The following ADAMTS5 variants were observed in gnomAD, a reference collection of about 807,000 sequenced individuals.
ADAMTS5 encodes the protein A disintegrin and metalloproteinase with thrombospondin motifs 5.
A neutral mutation model predicts 81.4 loss-of-function variants in ADAMTS5; 54 were observed. The observed-to-expected ratio is 0.66, with a 90% CI of 0.53 to 0.83. The LOEUF (loss-of-function observed/expected upper bound fraction) is 0.83. Ranked by LOEUF, ADAMTS5 falls within the 40% of genes least tolerant of loss-of-function variation. The pLI, the probability that ADAMTS5 is intolerant of heterozygous loss-of-function variation, is 0.00. For synonymous variants in ADAMTS5, 532 were observed against 508.8 expected, an observed-to-expected ratio of 1.05 and a Z score of -0.61; for missense variants, 1,194 against 1,229.9, an observed-to-expected ratio of 0.97 and a Z score of 0.44.
chr21:26,924,028 T>C lies in ADAMTS5; in HGVS notation c.*25A>G. ...TCAGTGCTGAATCCTCCAGTTATCT[T>C]TGTGCATAAGATCATAACCACAGGC... On this transcript the variant is annotated 3_prime_UTR_variant, in exon 8 of 8. Transcript: ENST00000284987. 1 of 1,561,842 alleles carries C rather than the reference T, an allele frequency of 6.4e-7. No individual in the cohort carries two copies. The highest frequency in any genetic ancestry group is 8.7e-7 in the Non-Finnish European group (1 of 1,148,972).
intron 1 of ADAMTS5, among the ~76,000 whole-genome samples, chr21:26,956,962 G>C (rs903786005): frequency 5.9e-5 from 9 of 152,166 alleles, no homozygotes; most frequent in Non-Finnish European, 8.8e-5. Flanking sequence ...AGAAGCACTT[G>C]TTATTTTTTT....
chr21:26,954,249 G>GC (rs142555831), intron 2 of ADAMTS5, among the ~76,000 whole-genome samples: 5,016 of 152,090 alleles, frequency 0.033, 171 homozygotes, highest in East Asian at 0.076. Flanking sequence ...TCCTTTCCTT[G>GC]CTATTAAGAA....
intron 2 of ADAMTS5, among the ~76,000 whole-genome samples, chr21:26,944,103 A>G (rs1987169149): frequency 6.6e-6 from 1 of 152,360 alleles, no homozygotes; most frequent in Admixed American, 6.5e-5. Flanking sequence ...AGACAAAGAA[A>G]GAGAAGTGAA....
chr21:26,954,604 G>C (rs1259376819), intron 2 of ADAMTS5, 135 bp downstream of exon 2: 24 of 1,342,468 alleles, frequency 1.8e-5, no homozygotes, highest in Non-Finnish European at 3.0e-6. Flanking sequence ...TAAAAGTGCA[G>C]ATATAAACAA....
Position 26,966,498 on chromosome 21 carries a change from G to T in ADAMTS5, c.-107C>A, listed in dbSNP as rs1555851768. 3.3e-6 allele frequency: 4 copies of T among 1,212,826 alleles called. No individual in the cohort carries two copies. The highest frequency in any genetic ancestry group is 1.1e-6 in the Non-Finnish European group (1 of 933,718). 75.1% of individuals were successfully genotyped at this position (1,212,826 alleles called of 1,614,324 possible). Reference sequence around the variant, plus strand: ...GATGGGGACACACACACACTTGCTTGCAGGATTGAGTCAAGTGTCGGAGGG... The same window carrying T: ...GATGGGGACACACACACACTTGCTTTCAGGATTGAGTCAAGTGTCGGAGGG... On this transcript the variant is annotated 5_prime_UTR_variant, in exon 1 of 8. Coordinates refer to ENST00000284987, the MANE Select transcript of ADAMTS5 (RefSeq NM_007038.5).
In ADAMTS5 at chr21:26,918,819, C is replaced by T. The variant is rs370147286; in HGVS notation, c.*5234G>A. The T allele has an allele frequency of 1.6e-4, 24 of 151,670 alleles. No individual in the cohort carries two copies. The highest frequency in any genetic ancestry group is 4.6e-4 in the African/African-American group (19 of 41,316). 9.4% of individuals were successfully genotyped at this position (151,670 alleles called of 1,614,324 possible). A position where few individuals can be genotyped will look rare whatever the true frequency, so the allele number is the denominator to read the frequency against. On this transcript the variant is annotated 3_prime_UTR_variant, in exon 8 of 8. Coordinates refer to ENST00000284987, the MANE Select transcript of ADAMTS5 (RefSeq NM_007038.5). Reference sequence around the variant, plus strand: ...TTGCAAAGCTTGAAAAAAAATCAGGCCAAATATACACGACAGTTTGAATGG... The same window carrying T: ...TTGCAAAGCTTGAAAAAAAATCAGGTCAAATATACACGACAGTTTGAATGG...
At chr21:26,958,463 A>G (rs534401910) in intron 1 of ADAMTS5, among the ~76,000 whole-genome samples, 2 of 152,208 alleles carry the variant, frequency 1.3e-5, no homozygotes, top group Admixed American at 6.5e-5. Context: ...GCAGTCCCCA[A>G]TAATAGGGGT....
In ADAMTS5 at chr21:26,966,931, A is replaced by AG. The variant is rs1272135702; in HGVS notation, c.-541dup. 6.6e-6 allele frequency among the ~76,000 whole-genome samples: 1 copy of AG among 151,852 alleles called. No individual in the cohort carries two copies. Among genetic ancestry groups the AG allele is most frequent in the African/African-American group, 2.4e-5 (1 of 41,334 alleles). ...GGACCAGGAGGAAGGGAAGAAAGAG[A>AG]GGGGAAAAAGCCGTAAAAATTAAAA... On this transcript the variant is annotated 5_prime_UTR_variant, in exon 1 of 8. An upstream open reading frame in the 5' UTR loses its in-frame stop. Coordinates refer to ENST00000284987, the MANE Select transcript of ADAMTS5 (RefSeq NM_007038.5).
Position 26,934,481 on chromosome 21 carries a change from C to G in ADAMTS5, c.1674G>C (p.Lys558Asn), listed in dbSNP as rs1333014662. 5 of 1,613,960 alleles carry G rather than the reference C, an allele frequency of 3.1e-6. No homozygotes were observed. The highest frequency in any genetic ancestry group is 4.2e-6 in the Non-Finnish European group (5 of 1,179,990). Residue 558 changes from lysine (K) to asparagine (N), a missense_variant, in exon 4 of 8, where the codon AAG becomes AAC. Physicochemically the swap from Lys to Asn is moderately conservative, Grantham distance 94. Coordinates refer to ENST00000284987, the MANE Select transcript of ADAMTS5 (RefSeq NM_007038.5). ...AATCACTTACTGAATAATATTTTTT[C>G]TTGGTTTTGTCCACACATTTGCCCT... ...CLQGKCVDKT[K>N]KKYYSTSSHG...
At chr21:26,958,865 A>C (rs1987475264) in intron 1 of ADAMTS5, among the ~76,000 whole-genome samples, 1 of 152,236 alleles carries the variant, frequency 6.6e-6, no homozygotes, top group African/African-American at 2.4e-5. Context: ...GGAATCCATA[A>C]AGGTGTCTCC....
At chr21:26,951,653 T>C (rs1987318325) in intron 2 of ADAMTS5, among the ~76,000 whole-genome samples, 1 of 115,562 alleles carries the variant, frequency 8.7e-6, no homozygotes, top group African/African-American at 3.5e-5. Flanking sequence ...CACTCCAGCC[T>C]GGGCAACAAG....
At chr21:26,946,341 C>A (rs1399769203) in intron 2 of ADAMTS5, among the ~76,000 whole-genome samples, 3 of 152,092 alleles carry the variant, frequency 2.0e-5, no homozygotes, top group Non-Finnish European at 4.4e-5. Flanking sequence ...CAAAAGTATA[C>A]AAAAGTATAA....
rs142827271 is a variant in ADAMTS5, at chr21:26,950,891, T to A, written c.1237+3848A>T. On this transcript the variant is annotated intron_variant, in intron 2 of 7. Transcript: ENST00000284987. ...TTTTTTTTAGGTGGGGGGCTCACTC[T>A]GTCACCCAGGCTGGAGTGCAGTGGT... is the stretch of plus-strand genomic sequence containing the variant. 9.2e-3 allele frequency among the ~76,000 whole-genome samples: 1,399 copies of A among 152,224 alleles called. 17 individuals carry two copies. Among genetic ancestry groups the A allele is most frequent in the African/African-American group, 0.032 (1,317 of 41,536 alleles).
At chr21:26,929,664 G>A (rs986790044) in intron 7 of ADAMTS5, among the ~76,000 whole-genome samples, 1 of 152,062 alleles carries the variant, frequency 6.6e-6, no homozygotes, top group Non-Finnish European at 1.5e-5. Context: ...CATGGCTACT[G>A]CAGTTTATCT....
intron 2 of ADAMTS5, among the ~76,000 whole-genome samples, chr21:26,949,813 G>T (rs1258670171): frequency 6.6e-6 from 1 of 152,182 alleles, no homozygotes; most frequent in Admixed American, 6.5e-5. Flanking sequence ...CAATGGGTTT[G>T]CGGGAAAATA....
At chr21:26,957,441 G>C (rs1172895045) in intron 1 of ADAMTS5, among the ~76,000 whole-genome samples, 1 of 76,812 alleles carries the variant, frequency 1.3e-5, no homozygotes, top group Non-Finnish European at 2.7e-5. Flanking sequence ...TAGATAGATG[G>C]ATAGATGATA....
At position 26,965,838 on chromosome 21, in the gene ADAMTS5, C is replaced by G. The variant is rs1393088498; in HGVS notation, c.554G>C (p.Gly185Ala). The part of the protein sequence containing the change: ...EEEKGRVYGD[G>A]SARILHVYTR... Reference sequence around the variant, plus strand: ...GTAGACGTGCAGGATCCGTGCGGACCCATCCCCGTACACGCGCCCCTTTTC... The same window carrying G: ...GTAGACGTGCAGGATCCGTGCGGACGCATCCCCGTACACGCGCCCCTTTTC... Residue 185 changes from glycine to alanine, a missense_variant, in exon 1 of 8, where the codon GGG (glycine) becomes GCG (alanine). By Grantham distance (60) the Gly-to-Ala change is moderately conservative (BLOSUM62 0). This residue lies in a region of ADAMTS5 where 498 missense variants were observed against 412.3 expected (regional missense o/e 1.21). Transcript: ENST00000284987. The G allele has an allele frequency of 6.2e-7, 1 of 1,611,932 alleles. No homozygotes were observed. The highest frequency in any genetic ancestry group is 2.2e-5 in the East Asian group (1 of 44,762).
chr21:26,962,289 A>G (rs949616536), intron 1 of ADAMTS5, among the ~76,000 whole-genome samples: 1 of 152,340 alleles, frequency 6.6e-6, no homozygotes, highest in East Asian at 1.9e-4. Flanking sequence ...CAAGGAAAGG[A>G]TTCTGGAAAG....
chr21:26,957,771 A>C (rs1448923692), intron 1 of ADAMTS5, among the ~76,000 whole-genome samples: 2 of 152,188 alleles, frequency 1.3e-5, no homozygotes, highest in East Asian at 3.9e-4. Context: ...CCAGGATACA[A>C]GACTGAGACA....
Sources: allele counts gnomAD v4.1 joint callset (sites outside exome capture counted in the v4.1 genomes callset), GRCh38; gene constraint gnomAD v4.1.1; regional missense constraint gnomAD v4.1.1; transcripts MANE v1.5; gene names NCBI Gene and HGNC (gene_info 2026-07-23, HGNC 2026-07-21).